NRXN3: variants seen among roughly 807,000 people sequenced by gnomAD.
NRXN3 encodes neurexin 3, also known as neurexin III.
In NRXN3, 32 loss-of-function variants were observed where a neutral mutation model predicts 137.6. That is an observed-to-expected ratio of 0.23 (90% confidence interval 0.18 to 0.31). The LOEUF is 0.31. Ranked by LOEUF, NRXN3 falls within the 10% of genes least tolerant of loss-of-function variation. NRXN3 has a pLI of 1.00. For synonymous variants in NRXN3, 798 were observed against 784.5 expected, an observed-to-expected ratio of 1.02 and a Z score of -0.29; for missense variants, 1,574 against 2,062.5, an observed-to-expected ratio of 0.76 and a Z score of 4.59.
chr14:78,512,546 A>T (rs1446358902), intron 4 of NRXN3, among the ~76,000 whole-genome samples: 1 of 152,152 alleles, frequency 6.6e-6, no homozygotes, highest in Non-Finnish European at 1.5e-5. Context: ...TGCCACACTG[A>T]TTTACCTTGA....
chr14:79,714,682 T>C (rs961925956), intron 19 of NRXN3, among the ~76,000 whole-genome samples: 1 of 152,116 alleles, frequency 6.6e-6, no homozygotes, highest in Non-Finnish European at 1.5e-5. Flanking sequence ...AGTCATGTCA[T>C]TGATAAAAAG....
At chr14:79,461,174 G>T (rs2096333768) in intron 15 of NRXN3, among the ~76,000 whole-genome samples, 1 of 152,136 alleles carries the variant, frequency 6.6e-6, no homozygotes, top group African/African-American at 2.4e-5. Context: ...TGTTTTTAGG[G>T]AGTCTTTATC....
chr14:79,238,336 G>T (rs1312889559), intron 15 of NRXN3, among the ~76,000 whole-genome samples: 1 of 151,996 alleles, frequency 6.6e-6, no homozygotes, highest in African/African-American at 2.4e-5. Context: ...AGTTATTTGT[G>T]TATACATTTA....
chr14:78,676,544 A>C (rs1386375418), intron 6 of NRXN3, among the ~76,000 whole-genome samples: 1 of 152,172 alleles, frequency 6.6e-6, no homozygotes, highest in Non-Finnish European at 1.5e-5. Flanking sequence ...AGGTTAGTTC[A>C]AAAAAGCCAT....
At chr14:79,317,969 T>C (rs2089210771) in intron 15 of NRXN3, among the ~76,000 whole-genome samples, 1 of 152,174 alleles carries the variant, frequency 6.6e-6, no homozygotes, top group Non-Finnish European at 1.5e-5. Flanking sequence ...GAAATATTAA[T>C]GACATGTTTC....
chr14:78,842,033 T>C (rs1028181750), intron 10 of NRXN3, among the ~76,000 whole-genome samples: 1 of 152,146 alleles, frequency 6.6e-6, no homozygotes, highest in African/African-American at 2.4e-5. Context: ...CAACAACCTC[T>C]TTATCCTTTG....
chr14:79,302,537 A>G (rs1356280762), intron 15 of NRXN3, among the ~76,000 whole-genome samples: 2 of 151,832 alleles, frequency 1.3e-5, no homozygotes, highest in Non-Finnish European at 2.9e-5. Context: ...TCAATATTTC[A>G]AGGAGGGCAT....
chr14:78,754,608 T>C (rs2098659088), intron 8 of NRXN3, among the ~76,000 whole-genome samples: 1 of 152,180 alleles, frequency 6.6e-6, no homozygotes, highest in South Asian at 2.1e-4. Context: ...ATTAACAAAA[T>C]TGTAATTTTA....
chr14:79,565,308 TAC>T lies in NRXN3; in HGVS notation c.3444+97914_3444+97915del, dbSNP rs1234959996. 2.2e-3 allele frequency among the ~76,000 whole-genome samples: 290 copies of T among 132,766 alleles called. 1 individual carries two copies. Among genetic ancestry groups the T allele is most frequent in the Non-Finnish European group, 3.3e-3 (193 of 58,428 alleles). The allele number at this position is 132,766 out of a possible 152,430, so 87.1% of individuals were successfully genotyped here. On this transcript the variant is annotated intron_variant, in intron 16 of 20. Coordinates refer to ENST00000335750, the MANE Select transcript of NRXN3 (RefSeq NM_001330195.2). ...ATACGCACACATGTGTATATACATA[TAC>T]ACACACATGTGTGTGTATATATATA... is the stretch of plus-strand genomic sequence containing the variant.
chr14:78,803,963 A>T, intron 9 of NRXN3, 140 bp downstream of exon 9: 1 of 797,788 alleles, frequency 1.3e-6, no homozygotes, highest in South Asian at 1.5e-5. Flanking sequence ...CCAGGATAAA[A>T]CCCAACAGCA....
At chr14:79,227,695 C>T (rs1241225255) in intron 15 of NRXN3, among the ~76,000 whole-genome samples, 1 of 151,840 alleles carries the variant, frequency 6.6e-6, no homozygotes, top group Non-Finnish European at 1.5e-5. Context: ...GCTTTCTTTT[C>T]TCTCTCTTTT....
chr14:79,450,092 T>A (rs547381845), intron 15 of NRXN3, among the ~76,000 whole-genome samples: 2 of 149,732 alleles, frequency 1.3e-5, no homozygotes, highest in Non-Finnish European at 3.0e-5. Context: ...TCTCTCTCCC[T>A]CTCTCCACAC....
chr14:78,957,087 A>C (rs1227507781), intron 10 of NRXN3, among the ~76,000 whole-genome samples, 155 bp from the exon 11 acceptor site: 2 of 152,336 alleles, frequency 1.3e-5, no homozygotes, highest in East Asian at 1.9e-4. Flanking sequence ...CCTACAGAGA[A>C]TCCACTGGAT....
At chr14:78,682,002 C>T (rs200754431) in intron 6 of NRXN3, among the ~76,000 whole-genome samples, 1 of 151,834 alleles carries the variant, frequency 6.6e-6, no homozygotes, top group East Asian at 1.9e-4. Flanking sequence ...CCAGTAGCAG[C>T]GATTACAGGC....
intron 4 of NRXN3, among the ~76,000 whole-genome samples, chr14:78,298,463 T>C (rs2076569734): frequency 6.6e-6 from 1 of 152,230 alleles, no homozygotes; most frequent in Non-Finnish European, 1.5e-5. Flanking sequence ...TGAAGAAAAC[T>C]GCATATAAAG....
Position 78,392,258 on chromosome 14 carries a change from A to G in NRXN3, c.757+94398A>G, listed in dbSNP as rs1359370916. Among the ~76,000 whole-genome samples, 6 of 152,310 alleles carry G rather than the reference A, an allele frequency of 3.9e-5. No homozygotes were observed. In the East Asian group the frequency reaches 9.6e-4, roughly 24 times the overall value. ...TGGCTCCACTGTGGGAAGGTCAGACATTGTTGAATATCTGTGCTCAATGAA... is the reference window on the plus strand; with the variant it reads ...TGGCTCCACTGTGGGAAGGTCAGACGTTGTTGAATATCTGTGCTCAATGAA... On this transcript the variant is annotated intron_variant, in intron 4 of 20. Coordinates refer to ENST00000335750, the MANE Select transcript of NRXN3 (RefSeq NM_001330195.2).
chr14:78,287,252 G>A (rs1419432168), intron 3 of NRXN3, among the ~76,000 whole-genome samples: 1 of 152,206 alleles, frequency 6.6e-6, no homozygotes, highest in African/African-American at 2.4e-5. Flanking sequence ...GGGAAGATGG[G>A]ATGATGATCT....
At chr14:78,419,945 G>A (rs2093349877) in intron 4 of NRXN3, among the ~76,000 whole-genome samples, 1 of 5,230 alleles carries the variant, frequency 1.9e-4, no homozygotes, top group African/African-American at 2.5e-4. Flanking sequence ...GCACGTGTGT[G>A]CGCGCGCGCG....
At chr14:79,054,673 A>C (rs1241783099) in intron 15 of NRXN3, among the ~76,000 whole-genome samples, 1 of 152,204 alleles carries the variant, frequency 6.6e-6, no homozygotes, top group Non-Finnish European at 1.5e-5. Context: ...TATAGCATGA[A>C]GAATTTATTC....
Sources: allele counts gnomAD v4.1 joint callset (sites outside exome capture counted in the v4.1 genomes callset), GRCh38; gene constraint gnomAD v4.1.1; transcripts MANE v1.5; gene names NCBI Gene and HGNC (gene_info 2026-07-23, HGNC 2026-07-21).